Variants in ADARB2 observed in about 807,000 individuals in gnomAD.
ADARB2 encodes inactive double-stranded RNA-specific editase B2.
A neutral mutation model predicts 62.2 loss-of-function variants in ADARB2; 25 were observed. The observed-to-expected ratio is 0.40, with a 90% CI of 0.29 to 0.56. ADARB2 has a LOEUF of 0.56. Among genes scored for constraint, ADARB2 ranks in the 20% least tolerant of loss-of-function variants. The pLI is 0.43. For missense variants in ADARB2, 1,071 were observed against 1,077.4 expected (o/e 0.99, Z 0.08); for synonymous variants, 572 against 500.8 (o/e 1.14, Z -1.90).
intron 1 of ADARB2, among the ~76,000 whole-genome samples, chr10:1,468,233 T>C (rs1831276978): frequency 6.6e-6 from 1 of 152,184 alleles, no homozygotes; most frequent in Non-Finnish European, 1.5e-5. Context: ...GGTTGCCTCT[T>C]GGTTGGCCAT....
At chr10:1,298,720 A>ATT (rs75978268) in intron 3 of ADARB2, among the ~76,000 whole-genome samples, 3 of 110,780 alleles carry the variant, frequency 2.7e-5, no homozygotes, top group African/African-American at 8.5e-5. Context: ...TGCGACGGGA[A>ATT]TTTTTTTTTT....
chr10:1,550,201 C>T (rs534133178), intron 1 of ADARB2, among the ~76,000 whole-genome samples: 5 of 152,294 alleles, frequency 3.3e-5, no homozygotes, highest in Non-Finnish European at 4.4e-5. Flanking sequence ...CCACTGTACT[C>T]GGAAAACACA....
At chr10:1,214,612 C>G (rs1837208285) in intron 7 of ADARB2, among the ~76,000 whole-genome samples, 1 of 152,188 alleles carries the variant, frequency 6.6e-6, no homozygotes, top group Non-Finnish European at 1.5e-5. Context: ...TGTTGAAGAT[C>G]CCAGGGACGG....
At chr10:1,612,996 T>G (rs369606192) in intron 1 of ADARB2, among the ~76,000 whole-genome samples, 1 of 152,218 alleles carries the variant, frequency 6.6e-6, no homozygotes, top group East Asian at 1.9e-4. Flanking sequence ...GTGAACAAGT[T>G]AACACTTCCG....
At chr10:1,565,038 C>G (rs1564332162) in intron 1 of ADARB2, among the ~76,000 whole-genome samples, 1 of 152,230 alleles carries the variant, frequency 6.6e-6, no homozygotes, top group Non-Finnish European at 1.5e-5. Flanking sequence ...CTTCCCCTCC[C>G]TCCCGTGCAG....
At chr10:1,569,510 G>A (rs1307713907) in intron 1 of ADARB2, among the ~76,000 whole-genome samples, 1 of 152,202 alleles carries the variant, frequency 6.6e-6, no homozygotes, top group African/African-American at 2.4e-5. Context: ...GGTCAGCAAA[G>A]GTTGCCTCTG....
chr10:1,558,065 T>G (rs1832730173), intron 1 of ADARB2, among the ~76,000 whole-genome samples: 1 of 152,144 alleles, frequency 6.6e-6, no homozygotes, highest in Admixed American at 6.5e-5. Context: ...GCAGTGAGCG[T>G]GGCTTCCATG....
At chr10:1,697,472 G>A (rs116927407) in intron 1 of ADARB2, among the ~76,000 whole-genome samples, 2,638 of 152,202 alleles carry the variant, frequency 0.017, 37 homozygotes, top group Middle Eastern at 0.044. Flanking sequence ...TGCACAAGAC[G>A]GTGAGAAGAA....
In ADARB2 at chr10:1,673,314, A is replaced by G. The variant is rs199542357; in HGVS notation, c.100+63737T>C. ...ACAAGTGATTTGTAGATTTCATTTT[A>G]TGTGTGTGTGTGTGTGTGTGTGTGT... On this transcript the variant is annotated intron_variant, in intron 1 of 9. Coordinates refer to ENST00000381312, the MANE Select transcript of ADARB2 (RefSeq NM_018702.4). Among the ~76,000 whole-genome samples the G allele has an allele frequency of 7.7e-4, 116 of 149,700 alleles. 6 individuals carry two copies. Among genetic ancestry groups the G allele is most frequent in the East Asian group, 1.6e-3 (8 of 5,084 alleles).
intron 6 of ADARB2, among the ~76,000 whole-genome samples, chr10:1,226,667 GAGGT>G: frequency 6.6e-6 from 1 of 152,198 alleles, no homozygotes; most frequent in East Asian, 1.9e-4. Context: ...GAGTTTGTTA[GAGGT>G]CCACTCCAGA....
At chr10:1,501,195 G>A (rs2131938287) in intron 1 of ADARB2, among the ~76,000 whole-genome samples, 1 of 152,330 alleles carries the variant, frequency 6.6e-6, no homozygotes, top group South Asian at 2.1e-4. Context: ...TTTTAAAGAA[G>A]TGATGGGTAG....
intron 1 of ADARB2, among the ~76,000 whole-genome samples, chr10:1,578,397 C>A (rs1200873338): frequency 6.6e-6 from 1 of 152,166 alleles, no homozygotes; most frequent in African/African-American, 2.4e-5. Flanking sequence ...AACTTAGTTT[C>A]ATTTTATCAC....
intron 1 of ADARB2, among the ~76,000 whole-genome samples, chr10:1,501,109 G>A (rs1588279159): frequency 1.3e-5 from 2 of 152,114 alleles, no homozygotes; most frequent in East Asian, 3.9e-4. Context: ...TTCTGACCTC[G>A]TGATCTGCCT....
intron 1 of ADARB2, among the ~76,000 whole-genome samples, chr10:1,407,484 A>C (rs185713008): frequency 5.3e-5 from 8 of 152,280 alleles, no homozygotes; most frequent in Admixed American, 5.2e-4. Context: ...GCCCTTAAAA[A>C]ATGGTTTCAG....
intron 1 of ADARB2, among the ~76,000 whole-genome samples, chr10:1,517,521 C>T (rs1458429413): frequency 2.6e-5 from 4 of 152,146 alleles, no homozygotes; most frequent in African/African-American, 7.2e-5. Flanking sequence ...TGCTCTCTTT[C>T]GTATATTGGA....
chr10:1,454,241 C>T (rs1831071882), intron 1 of ADARB2, among the ~76,000 whole-genome samples: 1 of 152,166 alleles, frequency 6.6e-6, no homozygotes, highest in African/African-American at 2.4e-5. Flanking sequence ...AAGACCCACC[C>T]CCATGATTCA....
At chr10:1,430,245 A>G (rs1051602118) in intron 1 of ADARB2, among the ~76,000 whole-genome samples, 3 of 152,258 alleles carry the variant, frequency 2.0e-5, no homozygotes, top group African/African-American at 7.2e-5. Context: ...TAAAAGGCAA[A>G]TACTAAAAAA....
chr10:1,464,905 G>A (rs1014553527), intron 1 of ADARB2, among the ~76,000 whole-genome samples: 1 of 152,328 alleles, frequency 6.6e-6, no homozygotes, highest in South Asian at 2.1e-4. Context: ...GTCACCTCCC[G>A]CAGGGTGAGG....
chr10:1,517,515 C>G (rs1832020806), intron 1 of ADARB2, among the ~76,000 whole-genome samples: 1 of 152,164 alleles, frequency 6.6e-6, no homozygotes, highest in Admixed American at 6.5e-5. Flanking sequence ...AAAACTTGCT[C>G]TCTTTCGTAT....
Sources: gnomAD v4.1 joint callset for allele counts (sites outside exome capture counted in the v4.1 genomes callset) on GRCh38, gnomAD v4.1.1 for gene constraint, MANE v1.5 for transcripts, NCBI Gene and HGNC (gene_info 2026-07-23, HGNC 2026-07-21) for gene names.